The following ST6GALNAC3 variants were observed in gnomAD, a reference collection of about 807,000 sequenced individuals.
ST6GALNAC3 encodes alpha-N-acetylgalactosaminide alpha-2,6-sialyltransferase 3.
ST6GALNAC3 carries 25 observed loss-of-function variants against 32.7 expected under a neutral mutation model. The ratio of observed to expected loss-of-function variants is 0.76; its 90% CI spans 0.56 to 1.07. ST6GALNAC3 has a LOEUF of 1.07. ST6GALNAC3 is among the 50% of genes least tolerant of loss of function. The pLI, the probability that ST6GALNAC3 is intolerant of heterozygous loss-of-function variation, is 0.00. For missense variants in ST6GALNAC3, 355 were observed against 382.4 expected (o/e 0.93, Z 0.60); for synonymous variants, 129 against 133.1 (o/e 0.97, Z 0.21).
At chr1:76,214,798 T>C (rs1455013130) in intron 1 of ST6GALNAC3, among the ~76,000 whole-genome samples, 2 of 152,170 alleles carry the variant, frequency 1.3e-5, no homozygotes, top group African/African-American at 4.8e-5. Flanking sequence ...GGTTACTGGG[T>C]CGTAGGGCAG....
chr1:76,611,177 T>C (rs1193482202), intron 3 of ST6GALNAC3, among the ~76,000 whole-genome samples: 1 of 152,016 alleles, frequency 6.6e-6, no homozygotes, highest in African/African-American at 2.4e-5. Context: ...TAACCTCTCC[T>C]TATCCTGGTA....
At chr1:76,366,619 G>C (rs1650394005) in intron 2 of ST6GALNAC3, among the ~76,000 whole-genome samples, 1 of 152,162 alleles carries the variant, frequency 6.6e-6, no homozygotes, top group Non-Finnish European at 1.5e-5. Context: ...TTCACATTCA[G>C]CAAATATCAA....
At chr1:76,341,682 C>CTTTCCTTCT (rs1411767732) in intron 2 of ST6GALNAC3, among the ~76,000 whole-genome samples, 66 of 36,036 alleles carry the variant, frequency 1.8e-3, no homozygotes, top group East Asian at 3.1e-3. Flanking sequence ...TCTTTCTTTC[C>CTTTCCTTCT]TTCTTTCTTT....
intron 1 of ST6GALNAC3, among the ~76,000 whole-genome samples, chr1:76,297,678 A>T (rs1479855986): frequency 6.6e-6 from 1 of 152,092 alleles, no homozygotes; most frequent in Non-Finnish European, 1.5e-5. Flanking sequence ...AGGTATTTAC[A>T]TACATTGTAG....
intron 1 of ST6GALNAC3, among the ~76,000 whole-genome samples, chr1:76,260,620 C>T (rs1167712167): frequency 6.6e-6 from 1 of 152,158 alleles, no homozygotes; most frequent in Non-Finnish European, 1.5e-5. Context: ...TGAACCTAGC[C>T]TTTCTGATTT....
chr1:76,593,080 G>A (rs1647075937), intron 3 of ST6GALNAC3, among the ~76,000 whole-genome samples: 1 of 151,784 alleles, frequency 6.6e-6, no homozygotes, highest in African/African-American at 2.4e-5. Context: ...ATAACTCCTT[G>A]AGAAGGCACT....
intron 2 of ST6GALNAC3, among the ~76,000 whole-genome samples, chr1:76,329,391 T>A (rs907230709): frequency 1.3e-5 from 2 of 152,210 alleles, no homozygotes; most frequent in Non-Finnish European, 2.9e-5. Flanking sequence ...AGATTCTACT[T>A]AGAATTCCTT....
At chr1:76,613,564 T>C (rs1311334100) in intron 3 of ST6GALNAC3, among the ~76,000 whole-genome samples, 6 of 152,224 alleles carry the variant, frequency 3.9e-5, no homozygotes, top group Non-Finnish European at 8.8e-5. Context: ...TCATGTCAAA[T>C]TGTAATCCCC....
At chr1:76,148,353 G>T (rs530250061) in intron 1 of ST6GALNAC3, among the ~76,000 whole-genome samples, 9 of 152,242 alleles carry the variant, frequency 5.9e-5, no homozygotes, top group African/African-American at 1.9e-4. Context: ...AATGTTCTAC[G>T]AATTCAGATA....
At chr1:76,256,987 A>C (rs1657960864) in intron 1 of ST6GALNAC3, among the ~76,000 whole-genome samples, 1 of 152,168 alleles carries the variant, frequency 6.6e-6, no homozygotes, top group South Asian at 2.1e-4. Context: ...TGAATCTCCA[A>C]ATCTCAGCAA....
At chr1:76,272,971 G>A (rs1267589877) in intron 1 of ST6GALNAC3, among the ~76,000 whole-genome samples, 2 of 152,168 alleles carry the variant, frequency 1.3e-5, no homozygotes, top group African/African-American at 4.8e-5. Flanking sequence ...TTACCTGTGG[G>A]GAGAGGAGTG....
In ST6GALNAC3 at chr1:76,094,334, T is replaced by C. The variant is rs1647093818; in HGVS notation, c.18+19450T>C. ...GGGGACCAAATGCTATTGTGCTAAG[T>C]TAAGGAGTGTGGATTTATATATCCC... is the stretch of plus-strand genomic sequence containing the variant. On this transcript the variant is annotated intron_variant, in intron 1 of 4. Coordinates refer to ENST00000328299, the MANE Select transcript of ST6GALNAC3 (RefSeq NM_152996.4). Among the ~76,000 whole-genome samples, 3 of 152,242 alleles carry C rather than the reference T, an allele frequency of 2.0e-5. No homozygotes were observed. In the South Asian group the frequency reaches 6.2e-4, roughly 31 times the overall value.
At chr1:76,484,197 C>T (rs1163683758) in intron 3 of ST6GALNAC3, among the ~76,000 whole-genome samples, 1 of 152,142 alleles carries the variant, frequency 6.6e-6, no homozygotes, top group Non-Finnish European at 1.5e-5. Flanking sequence ...ATTGACTTGG[C>T]AATGTGGGCT....
intron 3 of ST6GALNAC3, among the ~76,000 whole-genome samples, chr1:76,613,256 G>A (rs889245091): frequency 4.6e-5 from 7 of 152,184 alleles, no homozygotes; most frequent in African/African-American, 1.7e-4. Context: ...GCCTCTTGAT[G>A]TTGATCTATC....
intron 1 of ST6GALNAC3, among the ~76,000 whole-genome samples, chr1:76,115,164 A>G (rs774695486): frequency 2.6e-5 from 4 of 152,142 alleles, no homozygotes; most frequent in African/African-American, 9.7e-5. Flanking sequence ...GACTGCTACT[A>G]TAGGATCCCT....
chr1:76,092,706 G>C (rs2100752881), intron 1 of ST6GALNAC3, among the ~76,000 whole-genome samples: 1 of 152,274 alleles, frequency 6.6e-6, no homozygotes, highest in East Asian at 1.9e-4. Flanking sequence ...TCATAATTTT[G>C]AACAAGGGCC....
intron 3 of ST6GALNAC3, among the ~76,000 whole-genome samples, chr1:76,451,549 G>T (rs1476871576): frequency 2.0e-5 from 3 of 152,126 alleles, no homozygotes; most frequent in Non-Finnish European, 4.4e-5. Flanking sequence ...CCATCCATCA[G>T]CATGGAATGT....
chr1:76,599,659 T>G (rs529002060), intron 3 of ST6GALNAC3, among the ~76,000 whole-genome samples: 24 of 152,022 alleles, frequency 1.6e-4, no homozygotes, highest in Non-Finnish European at 2.9e-4. Context: ...ACCTGGAATA[T>G]CCAAGTAATT....
intron 1 of ST6GALNAC3, among the ~76,000 whole-genome samples, chr1:76,183,929 TATATAC>T (rs1444348888): frequency 2.7e-5 from 4 of 149,136 alleles, no homozygotes; most frequent in Non-Finnish European, 5.9e-5. Flanking sequence ...TATTATTATA[TATATAC>T]ATATACATAA....
Sources: gnomAD v4.1 joint callset for allele counts (sites outside exome capture counted in the v4.1 genomes callset) on GRCh38, gnomAD v4.1.1 for gene constraint, MANE v1.5 for transcripts, NCBI Gene and HGNC (gene_info 2026-07-23, HGNC 2026-07-21) for gene names.